The following GNAL variants were observed in gnomAD, a reference collection of about 807,000 sequenced individuals.
The protein encoded by GNAL is guanine nucleotide-binding protein G(olf) subunit alpha.
GNAL carries 18 observed loss-of-function variants against 55.1 expected under a neutral mutation model. The ratio of observed to expected loss-of-function variants is 0.33; its 90% CI spans 0.23 to 0.48. GNAL has a LOEUF of 0.48. Among genes scored for constraint, GNAL ranks in the 20% least tolerant of loss-of-function variants. The pLI is 0.99. For synonymous variants in GNAL, 253 were observed against 237.0 expected, an observed-to-expected ratio of 1.07 and a Z score of -0.62; for missense variants, 412 against 614.1, an observed-to-expected ratio of 0.67 and a Z score of 3.48.
At position 11,882,778 on chromosome 18, in the gene GNAL, A is replaced by G. The variant is rs2036736300; in HGVS notation, c.*1643A>G. The stretch of plus-strand genomic sequence containing the variant: ...GCTTCACTTGCCTTTTGAAGAAGAA[A>G]CATTACAAAACCTTAATCTGAAGTA... On this transcript the variant is annotated 3_prime_UTR_variant, in exon 12 of 12. Transcript: ENST00000334049. 1 of 152,142 alleles carries G rather than the reference A, an allele frequency of 6.6e-6. No homozygotes were observed. The highest frequency in any genetic ancestry group is 1.5e-5 in the Non-Finnish European group (1 of 68,024). The allele number at this position is 152,142 out of a possible 1,614,324, so 9.4% of individuals were successfully genotyped here.
At chr18:11,806,565 AG>A (rs886079400) in intron 4 of GNAL, among the ~76,000 whole-genome samples, 1 of 152,156 alleles carries the variant, frequency 6.6e-6, no homozygotes, top group African/African-American at 2.4e-5. Context: ...TGAGTATTAG[AG>A]GAAAAAGAAT....
rs2144002555 is a variant in GNAL at position 11,884,209 on chromosome 18, C to T, written c.*3074C>T. On this transcript the variant is annotated 3_prime_UTR_variant, in exon 12 of 12. Transcript: ENST00000334049. ...TGTACAGATGCAACCTTTGATGATA[C>T]ATATATTTGATAAAAATGAGAAAAC... The T allele has an allele frequency of 4.0e-6, 2 of 500,686 alleles. No individual in the cohort carries two copies. The highest frequency in any genetic ancestry group is 3.4e-5 in the East Asian group (1 of 29,656). 31.0% of individuals were successfully genotyped at this position (500,686 alleles called of 1,614,324 possible).
chr18:11,822,041 G>A (rs1234424156), intron 4 of GNAL, among the ~76,000 whole-genome samples: 2 of 152,348 alleles, frequency 1.3e-5, no homozygotes, highest in Admixed American at 6.5e-5. Flanking sequence ...TTTCTCCTCC[G>A]CCTGCCAGGA....
chr18:11,856,994 T>G (rs762263390), intron 5 of GNAL, among the ~76,000 whole-genome samples: 12 of 152,316 alleles, frequency 7.9e-5, no homozygotes, highest in Non-Finnish European at 1.6e-4. Flanking sequence ...CAGGGAAAGA[T>G]TTAGTCCAAA....
intron 5 of GNAL, among the ~76,000 whole-genome samples, chr18:11,847,396 T>TTA (rs2035763233): frequency 2.7e-5 from 4 of 150,352 alleles, no homozygotes; most frequent in African/African-American, 9.8e-5. Flanking sequence ...ATCTTTTATT[T>TTA]TCTTTTTTTT....
At chr18:11,799,220 C>T (rs1310845825) in intron 4 of GNAL, among the ~76,000 whole-genome samples, 1 of 152,096 alleles carries the variant, frequency 6.6e-6, no homozygotes, top group Non-Finnish European at 1.5e-5. Flanking sequence ...GTGTCCCCAG[C>T]CACAGGGACA....
At chr18:11,805,729 A>G (rs1384502317) in intron 4 of GNAL, among the ~76,000 whole-genome samples, 7 of 152,184 alleles carry the variant, frequency 4.6e-5, no homozygotes, top group African/African-American at 9.7e-5. Flanking sequence ...GCGTGTATAT[A>G]TACCACATCC....
At chr18:11,879,577 C>A (rs1211512334) in intron 11 of GNAL, among the ~76,000 whole-genome samples, 1 of 152,184 alleles carries the variant, frequency 6.6e-6, no homozygotes, top group Non-Finnish European at 1.5e-5. Flanking sequence ...AGGGCCCACC[C>A]TAATGACCTC....
intron 4 of GNAL, among the ~76,000 whole-genome samples, chr18:11,815,498 G>A (rs1380221830): frequency 6.6e-6 from 1 of 152,032 alleles, no homozygotes; most frequent in Non-Finnish European, 1.5e-5. Flanking sequence ...AGAGAAGCGG[G>A]GAGATGCTAC....
chr18:11,843,344 T>C lies in GNAL; in HGVS notation c.722+18329T>C, dbSNP rs77942535. On this transcript the variant is annotated intron_variant, in intron 5 of 11. Transcript: ENST00000334049. Reference sequence around the variant, plus strand: ...TTTCACCTACTAAAAATAGAAAATATGTAAAATTTTTTACTACTAAAAATA... The same window carrying C: ...TTTCACCTACTAAAAATAGAAAATACGTAAAATTTTTTACTACTAAAAATA... Among the ~76,000 whole-genome samples, 752 of 151,994 alleles carry C rather than the reference T, an allele frequency of 4.9e-3. 20 individuals are homozygous for C. The East Asian group carries it at 0.055, about 11-fold the overall frequency.
At chr18:11,867,031 C>A in intron 7 of GNAL, 137 bp from the exon 8 acceptor site, 1 of 706,120 alleles carries the variant, frequency 1.4e-6, no homozygotes, top group Non-Finnish European at 2.6e-6. Flanking sequence ...AGTGATGGTG[C>A]AGGCCAGTGA....
rs549175794 is a variant in GNAL, at chr18:11,841,311, G to A, written c.722+16296G>A. Among the ~76,000 whole-genome samples, 4 of 152,208 alleles carry A rather than the reference G, an allele frequency of 2.6e-5. No homozygotes were observed. In the East Asian group the frequency reaches 7.7e-4, roughly 29 times the overall value. On this transcript the variant is annotated intron_variant, in intron 5 of 11. Transcript: ENST00000334049. ...CTACAATTTATTATATTTAGGGCAA[G>A]GTTAATCATGATTATTTGAAGACAG...
At position 11,878,725 on chromosome 18, in the gene GNAL, G is replaced by A. The variant is rs543353610; in HGVS notation, c.1230+2037G>A. On this transcript the variant is annotated intron_variant, in intron 11 of 11. Transcript: ENST00000334049. ...GCTGGGACTACAGGCACACACCACC[G>A]CACCCGGCTAATTTTTAAATTTTAT... Among the ~76,000 whole-genome samples, 41 of 151,906 alleles carry A rather than the reference G, an allele frequency of 2.7e-4. No individual in the cohort carries two copies. The South Asian group carries it at 6.5e-3, about 24-fold the overall frequency.
At chr18:11,841,944 G>A (rs372878111) in intron 5 of GNAL, among the ~76,000 whole-genome samples, 9 of 151,786 alleles carry the variant, frequency 5.9e-5, no homozygotes, top group Admixed American at 3.9e-4. Context: ...ATCAAATAAC[G>A]AAAGAAAACA....
intron 1 of GNAL, among the ~76,000 whole-genome samples, chr18:11,695,622 T>G (rs541329888): frequency 1.5e-4 from 23 of 152,356 alleles, no homozygotes; most frequent in Non-Finnish European, 2.8e-4. Context: ...GGGGAAGGGT[T>G]ATCATGTTCC....
intron 5 of GNAL, among the ~76,000 whole-genome samples, chr18:11,846,448 AATAT>A (rs1005427124): frequency 2.5e-5 from 3 of 118,080 alleles, no homozygotes; most frequent in Admixed American, 1.1e-4. Flanking sequence ...TATAAATATA[AATAT>A]ATATATAAAT....
chr18:11,702,037 G>A (rs994674239), intron 1 of GNAL: 5 of 152,342 alleles, frequency 3.3e-5, no homozygotes, highest in African/African-American at 9.6e-5. Flanking sequence ...GGGAACCTTT[G>A]ACTTGGCTGC....
At position 11,689,768 on chromosome 18, in the gene GNAL, G is replaced by A. The variant is rs748589252; in HGVS notation, c.205G>A (p.Asp69Asn). Residue 69 changes from aspartate (D) to asparagine (N), a missense_variant, in exon 1 of 12, where the codon GAC (aspartate) becomes AAC (asparagine). Physicochemically the swap from Asp to Asn is conservative, Grantham distance 23. Coordinates refer to ENST00000334049, the MANE Select transcript of GNAL (RefSeq NM_182978.4). ...CCCGGCATGCGCTCGGCCCAAAGCA[G>A]ACAAGCCGAAGGAGAAGCGGCAGCG... ...GSPACARPKA[D>N]KPKEKRQRTE... 4.6e-6 allele frequency: 7 copies of A among 1,520,974 alleles called. No homozygotes were observed. The African/African-American group carries it at 1.0e-4, about 22-fold the overall frequency. The allele number at this position is 1,520,974 out of a possible 1,614,324, so 94.2% of individuals were successfully genotyped here.
At chr18:11,861,614 A>G (rs1185401696) in intron 5 of GNAL, among the ~76,000 whole-genome samples, 1 of 152,198 alleles carries the variant, frequency 6.6e-6, no homozygotes, top group Non-Finnish European at 1.5e-5. Flanking sequence ...CCAGGCTGGC[A>G]CAGAGAGGGC....
Sources: allele counts gnomAD v4.1 joint callset (sites outside exome capture counted in the v4.1 genomes callset), GRCh38; gene constraint gnomAD v4.1.1; transcripts MANE v1.5; gene names NCBI Gene and HGNC (gene_info 2026-07-23, HGNC 2026-07-21).